Variants in PTPN4 observed in about 807,000 individuals in gnomAD.
PTPN4 encodes the protein tyrosine-protein phosphatase non-receptor type 4.
PTPN4 carries 49 observed loss-of-function variants against 135.5 expected under a neutral mutation model. That is an observed-to-expected ratio of 0.36 (90% CI 0.29 to 0.46). The LOEUF (loss-of-function observed/expected upper bound fraction) is 0.46, where lower values mean the gene tolerates loss of function less well. Among genes scored for constraint, PTPN4 ranks in the 20% least tolerant of loss-of-function variants. PTPN4 has a pLI of 1.00. For missense variants in PTPN4, 860 were observed against 1,101.0 expected (o/e 0.78, Z 3.10); for synonymous variants, 333 against 369.9 (o/e 0.90, Z 1.14).
At chr2:119,959,227 A>G (rs1384635597) in intron 22 of PTPN4, among the ~76,000 whole-genome samples, 1 of 135,510 alleles carries the variant, frequency 7.4e-6, no homozygotes, top group African/African-American at 2.5e-5. Flanking sequence ...TTAGGAATAT[A>G]TCTCTGATAA....
rs1197685474 is a variant in PTPN4 at position 119,827,576 on chromosome 2, C to T, written c.138+17585C>T. On this transcript the variant is annotated intron_variant, in intron 2 of 26. Coordinates refer to ENST00000263708, the MANE Select transcript of PTPN4 (RefSeq NM_002830.4). Reference sequence around the variant, plus strand: ...AGTATAGCATATATACAATAAAGAACAAATCTTAAATGTAAGACAAGAATT... The same window carrying T: ...AGTATAGCATATATACAATAAAGAATAAATCTTAAATGTAAGACAAGAATT... Among the ~76,000 whole-genome samples, 5 of 152,068 alleles carry T rather than the reference C, an allele frequency of 3.3e-5. No homozygotes were observed. The East Asian group carries it at 9.6e-4, about 29-fold the overall frequency.
intron 3 of PTPN4, among the ~76,000 whole-genome samples, chr2:119,863,197 GATCAC>G (rs1677785164): frequency 6.6e-6 from 1 of 151,920 alleles, no homozygotes; most frequent in African/African-American, 2.4e-5. Flanking sequence ...TAATTAGATA[GATCAC>G]ATCATAGAAA....
chr2:119,797,956 A>G (rs939068878), intron 1 of PTPN4, among the ~76,000 whole-genome samples: 2 of 152,192 alleles, frequency 1.3e-5, no homozygotes, highest in African/African-American at 2.4e-5. Context: ...AACATAATGT[A>G]TATAACTTTT....
chr2:119,820,628 G>C (rs774498750), intron 2 of PTPN4, among the ~76,000 whole-genome samples: 1 of 152,110 alleles, frequency 6.6e-6, no homozygotes, highest in Non-Finnish European at 1.5e-5. Context: ...AGAAGAAATT[G>C]CATCTTATCT....
At chr2:119,911,576 A>G (rs996136474) in intron 10 of PTPN4, among the ~76,000 whole-genome samples, 1 of 152,196 alleles carries the variant, frequency 6.6e-6, no homozygotes, top group Non-Finnish European at 1.5e-5. Flanking sequence ...TGCTTTTTAT[A>G]TAAGATGAGG....
chr2:119,879,665 G>A (rs1678042252), intron 5 of PTPN4, among the ~76,000 whole-genome samples: 1 of 152,304 alleles, frequency 6.6e-6, no homozygotes, highest in African/African-American at 2.4e-5. Flanking sequence ...CTACATATTA[G>A]CCAAAGCTTT....
intron 5 of PTPN4, among the ~76,000 whole-genome samples, chr2:119,880,426 ATT>A (rs565175185): frequency 3.4e-5 from 5 of 145,996 alleles, no homozygotes; most frequent in South Asian, 2.2e-4. Context: ...TTAACTTTGA[ATT>A]TTTTTTTTTT....
chr2:119,805,797 G>A (rs528738375), intron 1 of PTPN4, among the ~76,000 whole-genome samples: 1 of 152,272 alleles, frequency 6.6e-6, no homozygotes, highest in African/African-American at 2.4e-5. Context: ...CTTCAAAGTA[G>A]TTTTTTCCAG....
intron 1 of PTPN4, among the ~76,000 whole-genome samples, chr2:119,770,246 A>G (rs1690709552): frequency 6.6e-6 from 1 of 152,250 alleles, no homozygotes; most frequent in Non-Finnish European, 1.5e-5. Flanking sequence ...TGGTACAGAT[A>G]AGTCATAGAT....
At chr2:119,919,595 G>A (rs985449620) in intron 11 of PTPN4, among the ~76,000 whole-genome samples, 10 of 152,230 alleles carry the variant, frequency 6.6e-5, no homozygotes, top group Non-Finnish European at 1.2e-4. Flanking sequence ...GGCCAAGGCA[G>A]GTAGATCACT....
intron 2 of PTPN4, among the ~76,000 whole-genome samples, chr2:119,836,424 T>C (rs931725681): frequency 1.3e-5 from 2 of 152,226 alleles, no homozygotes; most frequent in Non-Finnish European, 2.9e-5. Flanking sequence ...GACTACTAAC[T>C]AGCCAAATAA....
At chr2:119,951,828 C>A in intron 18 of PTPN4, 145 bp from the exon 19 acceptor site, 1 of 652,492 alleles carries the variant, frequency 1.5e-6, no homozygotes, top group Non-Finnish European at 2.3e-6. Context: ...TAGATTTCTA[C>A]ATTTTTTAAA....
At chr2:119,867,786 A>T (rs904290243) in intron 3 of PTPN4, among the ~76,000 whole-genome samples, 1 of 152,218 alleles carries the variant, frequency 6.6e-6, no homozygotes, top group African/African-American at 2.4e-5. Context: ...AGACCTTGCT[A>T]ATACACATTA....
intron 1 of PTPN4, among the ~76,000 whole-genome samples, chr2:119,777,991 T>C (rs1199284135): frequency 1.3e-5 from 2 of 152,138 alleles, no homozygotes; most frequent in African/African-American, 2.4e-5. Context: ...ATAAAAACTC[T>C]ATAGAGACCG....
At chr2:119,766,449 CGTGTGTGT>C (rs745803520) in intron 1 of PTPN4, among the ~76,000 whole-genome samples, 1,906 of 131,050 alleles carry the variant, frequency 0.015, 29 homozygotes, top group Middle Eastern at 0.019. Flanking sequence ...CATGTGCGCG[CGTGTGTGT>C]GTGTGTGTGT....
chr2:119,821,365 A>G (rs1677066334), intron 2 of PTPN4, among the ~76,000 whole-genome samples: 1 of 146,964 alleles, frequency 6.8e-6, no homozygotes, highest in Admixed American at 6.9e-5. Flanking sequence ...TGCTGAGATT[A>G]CAGGTGTGAG....
chr2:119,813,949 ATTT>A (rs1465656906), intron 2 of PTPN4, among the ~76,000 whole-genome samples: 1 of 152,052 alleles, frequency 6.6e-6, no homozygotes, highest in African/African-American at 2.4e-5. Context: ...GACAGGTTTA[ATTT>A]TTATTATTTG....
chr2:119,898,480 A>G (rs912476304), intron 9 of PTPN4, among the ~76,000 whole-genome samples: 1 of 152,326 alleles, frequency 6.6e-6, no homozygotes, highest in East Asian at 1.9e-4. Flanking sequence ...ACATTTTCAT[A>G]CAGACAATAA....
intron 22 of PTPN4, among the ~76,000 whole-genome samples, chr2:119,958,402 G>A (rs1347386558): frequency 2.0e-5 from 3 of 151,646 alleles, no homozygotes; most frequent in Admixed American, 2.0e-4. Context: ...AGGAAATTAT[G>A]CAAATGACAT....
Sources: allele counts gnomAD v4.1 joint callset (sites outside exome capture counted in the v4.1 genomes callset), GRCh38; gene constraint gnomAD v4.1.1; transcripts MANE v1.5; gene names NCBI Gene and HGNC (gene_info 2026-07-23, HGNC 2026-07-21).